The following ITSN1 variants were observed in gnomAD, a reference collection of about 807,000 sequenced individuals.
ITSN1 encodes the protein intersectin-1.
ITSN1 carries 58 observed loss-of-function variants against 239.8 expected under a neutral mutation model. The ratio of observed to expected loss-of-function variants is 0.24; its 90% CI spans 0.20 to 0.30. The LOEUF is 0.30. ITSN1 is among the 10% of genes least tolerant of loss of function. The probability of loss-of-function intolerance (pLI) is 1.00; values close to 1 mark genes in which losing one functional copy is unlikely to be tolerated. For missense variants in ITSN1, 1,558 were observed against 2,103.3 expected, an observed-to-expected ratio of 0.74 and a Z score of 5.07; for synonymous variants, 780 against 770.8, an observed-to-expected ratio of 1.01 and a Z score of -0.20.
chr21:33,895,472 T>C lies in ITSN1; in HGVS notation c.*7172T>C, dbSNP rs1274739110. ...TTGTGCGTGCACGTGTGCGTGTGTG[T>C]GCATGGGTTTGCGTGCATGCATGTG... On this transcript the variant is annotated 3_prime_UTR_variant, in exon 40 of 40. Transcript: ENST00000381318. 1 of 151,890 alleles carries C rather than the reference T, an allele frequency of 6.6e-6. No individual in the cohort carries two copies. The highest frequency in any genetic ancestry group is 1.5e-5 in the Non-Finnish European group (1 of 68,238). The allele number at this position is 151,890 out of a possible 1,614,324, so 9.4% of individuals were successfully genotyped here. A position where few individuals can be genotyped will look rare whatever the true frequency, so the allele number is the denominator to read the frequency against.
chr21:33,706,216 G>A (rs533898688), intron 1 of ITSN1, among the ~76,000 whole-genome samples: 27 of 151,716 alleles, frequency 1.8e-4, no homozygotes, highest in Admixed American at 1.3e-3. Context: ...ATGGGGTTTC[G>A]CCATGTTGGC....
At chr21:33,842,111 G>T (rs948426598) in intron 29 of ITSN1, among the ~76,000 whole-genome samples, 1 of 151,972 alleles carries the variant, frequency 6.6e-6, no homozygotes, top group African/African-American at 2.4e-5. Flanking sequence ...TAGCCAGGAT[G>T]GTCTCGATCT....
At chr21:33,716,162 G>A (rs933262686) in intron 1 of ITSN1, among the ~76,000 whole-genome samples, 7 of 152,050 alleles carry the variant, frequency 4.6e-5, no homozygotes, top group African/African-American at 1.7e-4. Context: ...GGGGCTCCAC[G>A]TATTCCAAAA....
chr21:33,666,737 C>G (rs1409318107), intron 1 of ITSN1, among the ~76,000 whole-genome samples: 5 of 152,194 alleles, frequency 3.3e-5, no homozygotes, highest in Admixed American at 3.3e-4. Flanking sequence ...ATGACCTTTT[C>G]AAAGGGTCTG....
chr21:33,745,478 T>C (rs1601964313), intron 5 of ITSN1, among the ~76,000 whole-genome samples: 1 of 152,184 alleles, frequency 6.6e-6, no homozygotes, highest in African/African-American at 2.4e-5. Flanking sequence ...CTCTGGAAAT[T>C]AACCAAAGGT....
chr21:33,786,051 T>A (rs1211567201), intron 16 of ITSN1, among the ~76,000 whole-genome samples: 1 of 152,200 alleles, frequency 6.6e-6, no homozygotes, highest in Non-Finnish European at 1.5e-5. Flanking sequence ...ATTGAAGCTC[T>A]TATCCTACAA....
At chr21:33,794,530 C>T (rs930049314) in intron 17 of ITSN1, 62 bp downstream of exon 17, 2 of 1,550,460 alleles carry the variant, frequency 1.3e-6, no homozygotes, top group African/African-American at 1.4e-5. Context: ...CTATTCTTTG[C>T]TTGGCTTCTC....
intron 1 of ITSN1, among the ~76,000 whole-genome samples, chr21:33,713,037 C>A (rs2092460637): frequency 6.6e-6 from 1 of 151,880 alleles, no homozygotes; most frequent in South Asian, 2.1e-4. Context: ...ACCACCACGC[C>A]CATCTAATTT....
At chr21:33,836,290 A>G (rs1397290248) in intron 28 of ITSN1, 151 bp from the exon 29 acceptor site, 4 of 467,850 alleles carry the variant, frequency 8.5e-6, no homozygotes, top group Non-Finnish European at 1.5e-5. Context: ...TATTGCCCAC[A>G]CTGTAAAAAG....
intron 27 of ITSN1, among the ~76,000 whole-genome samples, chr21:33,833,563 G>A (rs988544030): frequency 6.6e-6 from 1 of 152,156 alleles, no homozygotes; most frequent in Non-Finnish European, 1.5e-5. Context: ...ACAGGGCCTG[G>A]CTCATAAAAA....
intron 28 of ITSN1, among the ~76,000 whole-genome samples, chr21:33,835,776 G>C (rs976034957): frequency 2.6e-5 from 4 of 151,976 alleles, no homozygotes; most frequent in Non-Finnish European, 5.9e-5. Context: ...ACTAAAAATA[G>C]AAAAATTAGC....
At chr21:33,727,248 T>G (rs1401744023) in intron 4 of ITSN1, among the ~76,000 whole-genome samples, 3 of 152,062 alleles carry the variant, frequency 2.0e-5, no homozygotes, top group Non-Finnish European at 4.4e-5. Flanking sequence ...TTTTTCAACT[T>G]TGCTATGATG....
chr21:33,868,096 CCTG>C (rs1981983492), intron 33 of ITSN1, among the ~76,000 whole-genome samples: 1 of 152,192 alleles, frequency 6.6e-6, no homozygotes, highest in African/African-American at 2.4e-5. Flanking sequence ...GCTCGGGCAG[CCTG>C]CTTTTATTCT....
At chr21:33,678,093 C>T (rs943244854) in intron 1 of ITSN1, among the ~76,000 whole-genome samples, 6 of 152,212 alleles carry the variant, frequency 3.9e-5, no homozygotes, top group Admixed American at 3.3e-4. Flanking sequence ...CTCTGTGCTT[C>T]TCCAGTTTCT....
chr21:33,697,234 A>ATTTTTTTTTTTT (rs11419453), intron 1 of ITSN1, among the ~76,000 whole-genome samples: 16 of 121,706 alleles, frequency 1.3e-4, no homozygotes, highest in African/African-American at 1.9e-4. Flanking sequence ...CACCTGGCTA[A>ATTTTTTTTTTTT]TTTTTTTTTT....
chr21:33,739,932 C>T (rs773060383), intron 5 of ITSN1, among the ~76,000 whole-genome samples: 10 of 151,976 alleles, frequency 6.6e-5, no homozygotes, highest in African/African-American at 1.2e-4. Context: ...GCTTTTGCCA[C>T]GGGCAAGAGG....
intron 4 of ITSN1, among the ~76,000 whole-genome samples, chr21:33,727,784 C>T (rs995995786): frequency 3.3e-5 from 5 of 151,870 alleles, no homozygotes; most frequent in African/African-American, 1.2e-4. Flanking sequence ...CTTTTCTTCA[C>T]CCTGCATACC....
At chr21:33,779,015 C>T (rs1295405380) in intron 14 of ITSN1, among the ~76,000 whole-genome samples, 1 of 151,944 alleles carries the variant, frequency 6.6e-6, no homozygotes, top group Non-Finnish European at 1.5e-5. Context: ...CCCTTCTTCT[C>T]TCCTTTCTCC....
At chr21:33,753,465 A>T (rs1290765956) in intron 7 of ITSN1, among the ~76,000 whole-genome samples, 1 of 151,944 alleles carries the variant, frequency 6.6e-6, no homozygotes, top group Non-Finnish European at 1.5e-5. Flanking sequence ...GTTCCTTTTT[A>T]AAAAAAATTC....
Sources: gnomAD v4.1 joint callset for allele counts (sites outside exome capture counted in the v4.1 genomes callset) on GRCh38, gnomAD v4.1.1 for gene constraint, MANE v1.5 for transcripts, NCBI Gene and HGNC (gene_info 2026-07-23, HGNC 2026-07-21) for gene names.